DYNLL1: variants seen among roughly 807,000 people sequenced by gnomAD.
DYNLL1 encodes dynein light chain 1, cytoplasmic.
A neutral mutation model predicts 10.1 loss-of-function variants in DYNLL1; 3 were observed. The ratio of observed to expected loss-of-function variants is 0.30; its 90% CI spans 0.14 to 0.77. DYNLL1 has a LOEUF of 0.77. Ranked by LOEUF, DYNLL1 falls within the 30% of genes least tolerant of loss-of-function variation. The pLI is 0.66. For missense variants in DYNLL1, 47 were observed against 111.7 expected (o/e 0.42, Z 2.61); for synonymous variants, 46 against 41.2 (o/e 1.12, Z -0.45).
upstream of DYNLL1, among the ~76,000 whole-genome samples, chr12:120,493,341 C>T (rs1879181768): frequency 6.6e-6 from 1 of 151,890 alleles, no homozygotes; most frequent in South Asian, 2.1e-4. Context: ...AGTTCAAGAC[C>T]AGCCTGGCCA....
Position 120,496,224 on chromosome 12 carries a change from A to G in DYNLL1, c.-7+8A>G. On this transcript the variant is annotated splice_region_variant and intron_variant, in intron 1 of 2. Transcript: ENST00000242577. ...CCAGCCCCCTTCTCCACGGTGAGAAACTCGGGGGGCCAGGGGGTGTCCTCG... is the reference window on the plus strand; with the variant it reads ...CCAGCCCCCTTCTCCACGGTGAGAAGCTCGGGGGGCCAGGGGGTGTCCTCG... 1.3e-6 allele frequency: 1 copy of G among 773,210 alleles called. No homozygotes were observed. Among genetic ancestry groups the G allele is most frequent in the Admixed American group, 2.8e-5 (1 of 35,302 alleles). 47.9% of individuals were successfully genotyped at this position (773,210 alleles called of 1,614,324 possible).
intron 1 of DYNLL1, 28 bp from the exon 2 acceptor site, chr12:120,496,388 A>T (rs748980731): frequency 3.1e-6 from 5 of 1,612,994 alleles, no homozygotes; most frequent in Non-Finnish European, 4.2e-6. Context: ...GCCCAACTCA[A>T]CCCCTTACCC....
chr12:120,493,077 A>G (rs537919724), upstream of DYNLL1, among the ~76,000 whole-genome samples: 1 of 152,270 alleles, frequency 6.6e-6, no homozygotes, highest in South Asian at 2.1e-4. Flanking sequence ...CGAGGGTAGC[A>G]TTTTCCAAGT....
chr12:120,496,822 G>A, intron 2 of DYNLL1: 2 of 601,888 alleles, frequency 3.3e-6, no homozygotes, highest in East Asian at 5.6e-5. Flanking sequence ...TCAGGGAGCA[G>A]CGGTTCCCCC....
rs568134205 is a variant in DYNLL1 at position 120,496,796 on chromosome 12, G to A, written c.132+243G>A. On this transcript the variant is annotated intron_variant, in intron 2 of 2. Transcript: ENST00000242577. ...CTCCGCGGGGGGAAAGCGCCACCTA[G>A]CAACGGTATCTAAGATCAGGGAGCA... is the stretch of plus-strand genomic sequence containing the variant. The A allele has an allele frequency of 1.4e-4, 85 of 615,904 alleles. No homozygotes were observed. The East Asian group carries it at 2.3e-3, about 17-fold the overall frequency. The allele number at this position is 615,904 out of a possible 1,614,324, so 38.2% of individuals were successfully genotyped here. A position where few individuals can be genotyped will look rare whatever the true frequency, so the allele number is the denominator to read the frequency against.
At chr12:120,476,012 C>T (rs993635494) in intron 1 of DYNLL1, among the ~76,000 whole-genome samples, 2 of 152,190 alleles carry the variant, frequency 1.3e-5, no homozygotes, top group African/African-American at 2.4e-5. Context: ...CAACCCAGAA[C>T]TTTTTCCAAA....
intron 2 of DYNLL1, 116 bp from the exon 3 acceptor site, chr12:120,497,957 G>C (rs1868512159): frequency 6.9e-6 from 7 of 1,012,942 alleles, no homozygotes; most frequent in Non-Finnish European, 1.0e-5. Flanking sequence ...TTCATTCTAA[G>C]AATTTGCAGA....
At chr12:120,497,862 C>G (rs1868507395) in intron 2 of DYNLL1, 1 of 566,976 alleles carries the variant, frequency 1.8e-6, no homozygotes, top group East Asian at 3.0e-5. Context: ...TTGACCTCCT[C>G]AGCCTCCATT....
In DYNLL1 at chr12:120,496,579, C is replaced by T. The variant is rs201076587; in HGVS notation, c.132+26C>T. 1,580 of 1,613,544 alleles carry T rather than the reference C, an allele frequency of 9.8e-4. 1 individual carries two copies. The highest frequency in any genetic ancestry group is 1.6e-3 in the Admixed American group (97 of 59,972). On this transcript the variant is annotated intron_variant, in intron 2 of 2. Coordinates refer to ENST00000242577, the MANE Select transcript of DYNLL1 (RefSeq NM_003746.3). ...GTGAGGATGGGCGCGGGGGCCGATA[C>T]GCAGCCGGGAGCAGGGGGTTCCTTC...
chr12:120,478,256 C>T (rs556055152), intron 1 of DYNLL1, among the ~76,000 whole-genome samples: 2 of 151,756 alleles, frequency 1.3e-5, no homozygotes, highest in African/African-American at 4.8e-5. Context: ...TACAGGCATG[C>T]GCCACCACGC....
chr12:120,492,820 C>G (rs1403785948), upstream of DYNLL1, among the ~76,000 whole-genome samples: 1 of 152,134 alleles, frequency 6.6e-6, no homozygotes, highest in African/African-American at 2.4e-5. The surrounding 1 kb of genome is among the most constrained non-coding windows in gnomAD (Gnocchi z 4.1). Context: ...TACAGAACCC[C>G]ATATGGGCCA....
chr12:120,478,338 C>T lies in DYNLL1; in HGVS notation c.-7+8234C>T, dbSNP rs189766788. Reference sequence around the variant, plus strand: ...GTCAGGCTGGTCTTGAACTCCCTACCGCAGGTGATCCGCCCGCCTCGACCT... The same window carrying T: ...GTCAGGCTGGTCTTGAACTCCCTACTGCAGGTGATCCGCCCGCCTCGACCT... On this transcript the variant is annotated intron_variant, in intron 1 of 2. Coordinates refer to the DYNLL1 transcript ENST00000392509. Among the ~76,000 whole-genome samples, 592 of 151,034 alleles carry T rather than the reference C, an allele frequency of 3.9e-3. 8 individuals are homozygous for T. The highest frequency in any genetic ancestry group is 0.013 in the African/African-American group (540 of 41,200).
At chr12:120,476,069 T>A (rs1275038292) in intron 1 of DYNLL1, among the ~76,000 whole-genome samples, 2 of 151,968 alleles carry the variant, frequency 1.3e-5, no homozygotes, top group Non-Finnish European at 2.9e-5. Context: ...CACAGCAGAG[T>A]AAATCAGAAA....
intron 1 of DYNLL1, among the ~76,000 whole-genome samples, chr12:120,485,075 G>A (rs1221188651): frequency 6.6e-6 from 1 of 151,966 alleles, no homozygotes; most frequent in Admixed American, 6.6e-5. Context: ...AATTGGGCTG[G>A]GTGCAGTAGC....
At chr12:120,478,257 G>A (rs1238462295) in intron 1 of DYNLL1, among the ~76,000 whole-genome samples, 13 of 151,622 alleles carry the variant, frequency 8.6e-5, no homozygotes, top group African/African-American at 2.2e-4. Context: ...ACAGGCATGC[G>A]CCACCACGCC....
rs116508580 is a variant in DYNLL1, at chr12:120,475,587, A to G, written c.-7+5483A>G. Among the ~76,000 whole-genome samples the G allele has an allele frequency of 3.6e-3, 553 of 152,360 alleles. 6 individuals carry two copies. The highest frequency in any genetic ancestry group is 0.013 in the African/African-American group (526 of 41,576). ...TGAAAACATTCTATATTTGAGTTCT[A>G]TGTGGTAGCCATTGGTTACATGTAG... On this transcript the variant is annotated intron_variant, in intron 1 of 2. Transcript: ENST00000392509.
chr12:120,478,564 A>G (rs1878806577), intron 1 of DYNLL1, among the ~76,000 whole-genome samples: 1 of 150,806 alleles, frequency 6.6e-6, no homozygotes, highest in African/African-American at 2.4e-5. Flanking sequence ...TAAAAAGGCA[A>G]TTACAGGCTG....
In DYNLL1 at chr12:120,496,117, G is replaced by T. The variant is rs1018232764; in HGVS notation, c.-106G>T. 11 of 493,424 alleles carry T rather than the reference G, an allele frequency of 2.2e-5. No homozygotes were observed. The highest frequency in any genetic ancestry group is 1.9e-4 in the African/African-American group (10 of 51,402). The allele number at this position is 493,424 out of a possible 1,614,324, so 30.6% of individuals were successfully genotyped here. On this transcript the variant is annotated 5_prime_UTR_variant, in exon 1 of 3. It removes an upstream start codon present in the reference 5' UTR. Coordinates refer to ENST00000242577, the MANE Select transcript of DYNLL1 (RefSeq NM_003746.3). Reference sequence around the variant, plus strand: ...GCGGCTGGCGTGGGGCTGCTTAGATGCGCCACGGTTTCGGTAGCGACGGTA... The same window carrying T: ...GCGGCTGGCGTGGGGCTGCTTAGATTCGCCACGGTTTCGGTAGCGACGGTA...
chr12:120,496,236 AG>A lies in DYNLL1; in HGVS notation c.-7+25del, dbSNP rs879746850. 7.1e-6 allele frequency: 6 copies of A among 848,264 alleles called. No homozygotes were observed. The East Asian group carries it at 8.0e-5, about 11-fold the overall frequency. 52.5% of individuals were successfully genotyped at this position (848,264 alleles called of 1,614,324 possible). A position where few individuals can be genotyped will look rare whatever the true frequency, so the allele number is the denominator to read the frequency against. The stretch of plus-strand genomic sequence containing the variant: ...TCCACGGTGAGAAACTCGGGGGGCC[AG>A]GGGGTGTCCTCGCTGCCTTATTTCG... On this transcript the variant is annotated intron_variant, in intron 1 of 2. Coordinates refer to ENST00000242577, the MANE Select transcript of DYNLL1 (RefSeq NM_003746.3).
Sources: allele counts gnomAD v4.1 joint callset (sites outside exome capture counted in the v4.1 genomes callset), GRCh38; gene constraint gnomAD v4.1.1; non-coding constraint Gnocchi (gnomAD v3.1); transcripts MANE v1.5; gene names NCBI Gene and HGNC (gene_info 2026-07-23, HGNC 2026-07-21).